EDNRB: variants seen among roughly 807,000 people sequenced by gnomAD.
EDNRB encodes the protein endothelin receptor type B.
EDNRB carries 18 observed loss-of-function variants against 46.4 expected under a neutral mutation model. The observed-to-expected ratio is 0.39, with a 90% CI of 0.27 to 0.57. The LOEUF is 0.57. Among genes scored for constraint, EDNRB ranks in the 20% least tolerant of loss-of-function variants. EDNRB has a pLI of 0.61. For missense variants in EDNRB, 434 were observed against 537.5 expected (o/e 0.81, Z 1.90); for synonymous variants, 213 against 204.9 (o/e 1.04, Z -0.34).
At chr13:77,925,827 G>T (rs1011686927) in intron 1 of EDNRB, among the ~76,000 whole-genome samples, 1 of 152,116 alleles carries the variant, frequency 6.6e-6, no homozygotes, top group South Asian at 2.1e-4. Context: ...ATCTTGCACC[G>T]TGCGCCTGGA....
chr13:77,936,938 G>A (rs57357901), intron 1 of EDNRB, among the ~76,000 whole-genome samples: 5,566 of 152,256 alleles, frequency 0.037, 334 homozygotes, highest in African/African-American at 0.12. Context: ...ATGCATTGCC[G>A]TTTGGCTGCT....
intron 1 of EDNRB, among the ~76,000 whole-genome samples, chr13:77,957,922 C>T (rs963341587): frequency 9.9e-5 from 15 of 152,200 alleles, no homozygotes; most frequent in African/African-American, 3.6e-4. Flanking sequence ...AATTGATTTA[C>T]TCCAAGGCCA....
At chr13:77,958,059 T>C (rs1044930672) in intron 1 of EDNRB, among the ~76,000 whole-genome samples, 1 of 152,186 alleles carries the variant, frequency 6.6e-6, no homozygotes, top group Non-Finnish European at 1.5e-5. Flanking sequence ...GGCTTCCTAT[T>C]TTGGACCAAT....
chr13:77,945,338 C>T, intron 1 of EDNRB, among the ~76,000 whole-genome samples: 1 of 152,110 alleles, frequency 6.6e-6, no homozygotes, highest in East Asian at 1.9e-4. Flanking sequence ...AATAAGTGAA[C>T]CTGTTCACTG....
At chr13:77,950,744 T>C (rs1307154334) in intron 1 of EDNRB, among the ~76,000 whole-genome samples, 1 of 152,228 alleles carries the variant, frequency 6.6e-6, no homozygotes, top group African/African-American at 2.4e-5. Context: ...AGTAGGAGGC[T>C]CTTTCTCTTG....
intron 1 of EDNRB, among the ~76,000 whole-genome samples, chr13:77,949,231 G>C (rs146154473): frequency 1.3e-5 from 2 of 152,302 alleles, no homozygotes; most frequent in East Asian, 3.9e-4. Context: ...ACAGATTCCA[G>C]TTGCAGCAAA....
intron 1 of EDNRB, among the ~76,000 whole-genome samples, chr13:77,963,868 T>C (rs946378498): frequency 6.6e-6 from 1 of 152,114 alleles, no homozygotes; most frequent in Non-Finnish European, 1.5e-5. Flanking sequence ...TGCAACCTAC[T>C]CATCTGACAA....
At chr13:77,899,418 AT>A (rs66860239) in intron 6 of EDNRB, 147,854 of 168,430 alleles carry the variant, frequency 0.88, 64,964 homozygotes, top group East Asian at 0.97. Flanking sequence ...AACCTAAACT[AT>A]TTTTTTTTTG....
At chr13:77,974,610 C>T (rs1881829977) in intron 1 of EDNRB, among the ~76,000 whole-genome samples, 1 of 37,858 alleles carries the variant, frequency 2.6e-5, no homozygotes, top group Admixed American at 3.2e-4. Flanking sequence ...TCTCTCTCCT[C>T]TCTGCCTCTC....
intron 1 of EDNRB, among the ~76,000 whole-genome samples, chr13:77,938,366 G>A (rs953705917): frequency 2.0e-5 from 3 of 151,984 alleles, no homozygotes; most frequent in African/African-American, 7.3e-5. Flanking sequence ...ATGGAAATTA[G>A]GGATTGGGGG....
At position 77,918,787 on chromosome 13, in the gene EDNRB, C is replaced by A. The variant is rs1395233831; in HGVS notation, c.-214G>T. 3.8e-6 allele frequency: 5 copies of A among 1,323,940 alleles called. No homozygotes were observed. The Admixed American group carries it at 1.8e-4, about 48-fold the overall frequency. 82.0% of individuals were successfully genotyped at this position (1,323,940 alleles called of 1,614,324 possible). A position where few individuals can be genotyped will look rare whatever the true frequency, so the allele number is the denominator to read the frequency against. On this transcript the variant is annotated 5_prime_UTR_variant, in exon 1 of 7. Transcript: ENST00000646607. This position sits in a 1 kb window ranked among gnomAD's most constrained non-coding sequence, Gnocchi z 4.5. ...AAACTTGGCGCTCATGACTCGCCAG[C>A]GCGGGTCGAAACTCCTTCCTGATGC...
chr13:77,903,423 T>C, intron 2 of EDNRB, 63 bp from the exon 3 acceptor site: 1 of 1,610,444 alleles, frequency 6.2e-7, no homozygotes, highest in South Asian at 1.1e-5. Context: ...AATTGCACAG[T>C]TTATTTTCTA....
At position 77,897,504 on chromosome 13, in the gene EDNRB, C is replaced by T. The variant is rs201202556; in HGVS notation, c.*696G>A. The T allele has an allele frequency of 3.6e-5, 35 of 979,792 alleles. No homozygotes were observed. The highest frequency in any genetic ancestry group is 4.1e-5 in the Non-Finnish European group (34 of 825,046). 60.7% of individuals were successfully genotyped at this position (979,792 alleles called of 1,614,324 possible). On this transcript the variant is annotated 3_prime_UTR_variant, in exon 7 of 7. Coordinates refer to ENST00000646607, the MANE Select transcript of EDNRB (RefSeq NM_001122659.3). ...TATTATATTTTAAATTCAGCTGGCACATGTGCCAGTCTGTTACATGCTGCT... is the reference window on the plus strand; with the variant it reads ...TATTATATTTTAAATTCAGCTGGCATATGTGCCAGTCTGTTACATGCTGCT...
chr13:77,905,006 T>C (rs1394360106), intron 1 of EDNRB, among the ~76,000 whole-genome samples: 4 of 151,958 alleles, frequency 2.6e-5, no homozygotes. Context: ...AGATTCAACA[T>C]AGGACCAACT....
At chr13:77,926,667 A>G (rs1220665951) in intron 1 of EDNRB, among the ~76,000 whole-genome samples, 1 of 152,100 alleles carries the variant, frequency 6.6e-6, no homozygotes, top group Non-Finnish European at 1.5e-5. Context: ...GAGCCCTCTA[A>G]ACTCTTCCAC....
At chr13:77,930,906 A>G (rs549619631) in intron 1 of EDNRB, among the ~76,000 whole-genome samples, 37 of 152,062 alleles carry the variant, frequency 2.4e-4, no homozygotes, top group Non-Finnish European at 4.6e-4. Flanking sequence ...TATCTATTTT[A>G]TGACACTTCC....
At chr13:77,964,807 T>TAA (rs79034855) in intron 1 of EDNRB, among the ~76,000 whole-genome samples, 15 of 144,640 alleles carry the variant, frequency 1.0e-4, no homozygotes, top group African/African-American at 3.8e-4. Context: ...GAAAACTATA[T>TAA]AAAAAAAAAA....
intron 1 of EDNRB, among the ~76,000 whole-genome samples, chr13:77,969,797 C>T (rs2076193703): frequency 1.3e-5 from 2 of 152,138 alleles, no homozygotes; most frequent in Admixed American, 1.3e-4. Context: ...CATGACATAC[C>T]TTGTGTTACT....
At chr13:77,900,771 C>T (rs1878927506) in intron 4 of EDNRB, 117 bp from the exon 5 acceptor site, 1 of 1,437,018 alleles carries the variant, frequency 7.0e-7, no homozygotes, top group Non-Finnish European at 9.6e-7. Flanking sequence ...TGTAAAAACT[C>T]AGGACACTGA....
Sources: allele counts gnomAD v4.1 joint callset (sites outside exome capture counted in the v4.1 genomes callset), GRCh38; gene constraint gnomAD v4.1.1; non-coding constraint Gnocchi (gnomAD v3.1); transcripts MANE v1.5; gene names NCBI Gene and HGNC (gene_info 2026-07-23, HGNC 2026-07-21).